CTIF: variants seen among roughly 807,000 people sequenced by gnomAD.
CTIF encodes the protein CBP80/20-dependent translation initiation factor.
A neutral mutation model predicts 66.0 loss-of-function variants in CTIF; 21 were observed. The ratio of observed to expected loss-of-function variants is 0.32; its 90% CI spans 0.23 to 0.46. The LOEUF (loss-of-function observed/expected upper bound fraction) is 0.46, where lower values mean the gene tolerates loss of function less well. CTIF is among the 20% of genes least tolerant of loss of function. The pLI is 1.00. For missense variants in CTIF, 739 were observed against 812.7 expected, an observed-to-expected ratio of 0.91 and a Z score of 1.10; for synonymous variants, 345 against 326.4, an observed-to-expected ratio of 1.06 and a Z score of -0.62.
chr18:48,742,443 G>C (rs1167558798), intron 7 of CTIF, among the ~76,000 whole-genome samples: 1 of 152,224 alleles, frequency 6.6e-6, no homozygotes, highest in East Asian at 1.9e-4. Flanking sequence ...CCTCTAAGAG[G>C]CTGAACCTGC....
At chr18:48,613,368 G>A (rs933113194) in intron 1 of CTIF, among the ~76,000 whole-genome samples, 3 of 152,084 alleles carry the variant, frequency 2.0e-5, no homozygotes, top group Non-Finnish European at 2.9e-5. Context: ...ATCTCAGGCT[G>A]CCCCACGGTG....
intron 7 of CTIF, among the ~76,000 whole-genome samples, chr18:48,752,379 G>A (rs1907915101): frequency 6.6e-6 from 1 of 152,166 alleles, no homozygotes; most frequent in Non-Finnish European, 1.5e-5. Flanking sequence ...CAATTACAGG[G>A]CCCGTGTGTT....
intron 9 of CTIF, among the ~76,000 whole-genome samples, chr18:48,785,404 C>A (rs937481981): frequency 2.6e-5 from 4 of 152,224 alleles, no homozygotes; most frequent in African/African-American, 9.7e-5. Flanking sequence ...GAGGCTCCCA[C>A]CACTGCGGCC....
intron 1 of CTIF, among the ~76,000 whole-genome samples, chr18:48,601,052 T>G (rs1462738351): frequency 6.6e-6 from 1 of 152,246 alleles, no homozygotes; most frequent in Admixed American, 6.5e-5. Context: ...TGGATGATGG[T>G]CCTTTCAGGC....
chr18:48,772,499 A>ACAGCAATAACTCCCCTC, intron 9 of CTIF, among the ~76,000 whole-genome samples: 1 of 151,932 alleles, frequency 6.6e-6, no homozygotes, highest in Non-Finnish European at 1.5e-5. Flanking sequence ...TAACTCCCCT[A>ACAGCAATAACTCCCCTC]CAGCAATAAC....
intron 9 of CTIF, among the ~76,000 whole-genome samples, chr18:48,778,654 TG>T (rs1479522897): frequency 6.6e-6 from 1 of 152,140 alleles, no homozygotes; most frequent in Non-Finnish European, 1.5e-5. Context: ...CGTGGGACTG[TG>T]AAGCAGGTAA....
At chr18:48,822,847 A>C (rs113096736) in intron 10 of CTIF, among the ~76,000 whole-genome samples, 2,190 of 152,244 alleles carry the variant, frequency 0.014, 67 homozygotes, top group African/African-American at 0.05. Context: ...GCTCACAGCC[A>C]TTCTAACAGG....
chr18:48,793,634 G>A (rs2067843258), intron 9 of CTIF, among the ~76,000 whole-genome samples: 1 of 152,182 alleles, frequency 6.6e-6, no homozygotes, highest in Non-Finnish European at 1.5e-5. Flanking sequence ...CTTCTTGTGT[G>A]CCCCCTTCTC....
intron 6 of CTIF, among the ~76,000 whole-genome samples, chr18:48,693,432 G>A (rs1445384478): frequency 6.6e-6 from 1 of 152,232 alleles, no homozygotes; most frequent in Non-Finnish European, 1.5e-5. Context: ...ATGCATGAGA[G>A]TCTCTGGAGT....
At chr18:48,557,628 G>A (rs2089053205) in intron 1 of CTIF, among the ~76,000 whole-genome samples, 1 of 152,236 alleles carries the variant, frequency 6.6e-6, no homozygotes, top group Admixed American at 6.5e-5. Flanking sequence ...TATAGTCTCT[G>A]TATTAGTCCG....
intron 6 of CTIF, among the ~76,000 whole-genome samples, chr18:48,701,666 A>G (rs1476655613): frequency 2.6e-5 from 4 of 152,248 alleles, no homozygotes; most frequent in Non-Finnish European, 5.9e-5. Context: ...TATAATGTAG[A>G]AACAATCTTC....
chr18:48,722,881 G>T (rs1246869152), intron 7 of CTIF, among the ~76,000 whole-genome samples: 1 of 152,180 alleles, frequency 6.6e-6, no homozygotes, highest in Non-Finnish European at 1.5e-5. Context: ...TGGTTCTGAG[G>T]GTCTTTTTCG....
chr18:48,697,723 G>A (rs2092027867), intron 6 of CTIF, among the ~76,000 whole-genome samples: 1 of 152,186 alleles, frequency 6.6e-6, no homozygotes, highest in African/African-American at 2.4e-5. Flanking sequence ...CTCAAGGCCA[G>A]AGGGGATTGG....
At chr18:48,675,906 G>A (rs1420341978) in intron 6 of CTIF, among the ~76,000 whole-genome samples, 1 of 152,212 alleles carries the variant, frequency 6.6e-6, no homozygotes, top group Non-Finnish European at 1.5e-5. Context: ...AATTTACTAA[G>A]TTCTGAATTA....
At chr18:48,763,567 A>G (rs78802779) in intron 9 of CTIF, among the ~76,000 whole-genome samples, 7 of 152,200 alleles carry the variant, frequency 4.6e-5, no homozygotes, top group African/African-American at 1.7e-4. Context: ...GTTAAGAACT[A>G]CTTGTGGGAT....
chr18:48,670,932 G>A (rs2091523916), intron 6 of CTIF, among the ~76,000 whole-genome samples, 188 bp downstream of exon 6: 1 of 152,200 alleles, frequency 6.6e-6, no homozygotes, highest in Non-Finnish European at 1.5e-5. Flanking sequence ...TTGTGATCGT[G>A]TGTGTGACAG....
intron 1 of CTIF, among the ~76,000 whole-genome samples, chr18:48,573,939 T>C (rs1250010312): frequency 6.6e-6 from 1 of 152,204 alleles, no homozygotes; most frequent in Non-Finnish European, 1.5e-5. Context: ...GCTGGTGTCA[T>C]TACCCAGGGG....
At chr18:48,740,033 C>T (rs971466225) in intron 7 of CTIF, among the ~76,000 whole-genome samples, 5 of 152,180 alleles carry the variant, frequency 3.3e-5, no homozygotes, top group African/African-American at 1.2e-4. Flanking sequence ...TACAACCACC[C>T]TTTAAGGTAG....
In CTIF at chr18:48,605,255, T is replaced by C. The variant is rs576535615; in HGVS notation, c.-28-14283T>C. ...ATCTGACATTCCCATGAGCAGTGTT[T>C]GAGGACTCCAGTTGCTCCACATCCT... is the stretch of plus-strand genomic sequence containing the variant. On this transcript the variant is annotated intron_variant, in intron 1 of 11. Coordinates refer to ENST00000256413, the MANE Select transcript of CTIF (RefSeq NM_014772.3). Among the ~76,000 whole-genome samples, 222 of 152,342 alleles carry C rather than the reference T, an allele frequency of 1.5e-3. 1 individual carries two copies. Among genetic ancestry groups the C allele is most frequent in the African/African-American group, 5.1e-3 (210 of 41,568 alleles).
Sources: allele counts gnomAD v4.1 joint callset (sites outside exome capture counted in the v4.1 genomes callset), GRCh38; gene constraint gnomAD v4.1.1; transcripts MANE v1.5; gene names NCBI Gene and HGNC (gene_info 2026-07-23, HGNC 2026-07-21).